PKD1L3: variants seen among roughly 807,000 people sequenced by gnomAD.
The protein encoded by PKD1L3 is polycystin-1-like protein 3.
PKD1L3 carries 239 observed loss-of-function variants against 184.1 expected under a neutral mutation model. The ratio of observed to expected loss-of-function variants is 1.30; its 90% CI spans 1.17 to 1.45. The LOEUF is 1.45. Among genes scored for constraint, PKD1L3 ranks in the 40% most tolerant of loss-of-function variants. The pLI, the probability that PKD1L3 is intolerant of heterozygous loss-of-function variation, is 0.00. For synonymous variants in PKD1L3, 996 were observed against 778.8 expected (o/e 1.28, Z -4.64); for missense variants, 2,660 against 2,067.2 (o/e 1.29, Z -5.56).
Position 71,965,512 on chromosome 16 carries a change from T to G in PKD1L3, c.2465+1625A>C, listed in dbSNP as rs186304562. On this transcript the variant is annotated intron_variant, in intron 15 of 29. Transcript: ENST00000620267. Reference sequence around the variant, plus strand: ...CACTCTCACTAGGGGCGTGTGAGTGTTTCAGTTGCTCCCCATCCTCCCCTA... The same window carrying G: ...CACTCTCACTAGGGGCGTGTGAGTGGTTCAGTTGCTCCCCATCCTCCCCTA... 3.3e-3 allele frequency among the ~76,000 whole-genome samples: 483 copies of G among 144,372 alleles called. 3 individuals carry two copies. The highest frequency in any genetic ancestry group is 5.7e-3 in the Non-Finnish European group (363 of 64,054). 94.7% of individuals were successfully genotyped at this position (144,372 alleles called of 152,430 possible).
Position 71,930,130 on chromosome 16 carries a change from G to A in PKD1L3, c.4980C>T (p.Ile1660=). 6.4e-7 allele frequency: 1 copy of A among 1,551,682 alleles called. No homozygotes were observed. The highest frequency in any genetic ancestry group is 1.2e-5 in the South Asian group (1 of 84,060). Residue 1660 remains isoleucine, a synonymous_variant, in exon 29 of 30, where the codon ATC becomes ATT. Transcript: ENST00000620267. ...LGTFLILTSV[I]LMVLVVINLF... ...GATTAATTACCACAAGTACCATCAA[G>A]ATGACACTGGTGAGGATCAGAAAGG...
At chr16:71,990,195 T>C (rs927857348) in intron 4 of PKD1L3, 85 bp downstream of exon 4, 33 of 1,228,542 alleles carry the variant, frequency 2.7e-5, no homozygotes, top group Admixed American at 9.8e-5. Flanking sequence ...CAGAACACTC[T>C]ACAAGATAGA....
intron 16 of PKD1L3, among the ~76,000 whole-genome samples, chr16:71,958,889 C>A (rs1167033145): frequency 6.7e-6 from 1 of 150,020 alleles, no homozygotes; most frequent in African/African-American, 2.5e-5. Context: ...GAGTTTGAGA[C>A]CAGCCTGGGC....
chr16:71,958,247 C>T (rs1392568732), intron 16 of PKD1L3, among the ~76,000 whole-genome samples: 1 of 151,158 alleles, frequency 6.6e-6, no homozygotes, highest in Non-Finnish European at 1.5e-5. Flanking sequence ...ATTAGCTGGG[C>T]GTAGTGGCGG....
intron 11 of PKD1L3, among the ~76,000 whole-genome samples, chr16:71,975,506 T>C (rs1460853977): frequency 6.6e-6 from 1 of 152,184 alleles, no homozygotes; most frequent in Non-Finnish European, 1.5e-5. Flanking sequence ...TTGAAATACA[T>C]AGGACATATT....
Position 71,982,132 on chromosome 16 carries a change from G to A in PKD1L3, c.1070C>T (p.Pro357Leu), listed in dbSNP as rs770278231. 1.2e-5 allele frequency: 18 copies of A among 1,551,852 alleles called. No homozygotes were observed. The South Asian group carries it at 1.2e-4, about 10-fold the overall frequency. The change falls in exon 7 of 30, where the codon CCC becomes CTC. Residue 357 changes from proline (P) to leucine (L), a missense_variant. Pro to Leu is a moderately conservative substitution (Grantham distance 98, BLOSUM62 -3). Coordinates refer to ENST00000620267, the MANE Select transcript of PKD1L3 (RefSeq NM_181536.2). Reference protein sequence around the residue: ...LGFKVPPTVCPFHSLNNVTKA... With the variant: ...LGFKVPPTVCLFHSLNNVTKA... Reference sequence around the variant, plus strand: ...GGTGACATTGTTGAGGGAATGAAAGGGGCAGACAGTTGGAGGAACTTTGAA... The same window carrying A: ...GGTGACATTGTTGAGGGAATGAAAGAGGCAGACAGTTGGAGGAACTTTGAA...
chr16:71,935,231 G>T, intron 26 of PKD1L3, 127 bp downstream of exon 26: 1 of 1,053,426 alleles, frequency 9.5e-7, no homozygotes, highest in Non-Finnish European at 1.3e-6. Flanking sequence ...ATGAGTCCAA[G>T]TTCTCTTTTA....
chr16:71,943,057 G>C, intron 23 of PKD1L3, 33 bp from the exon 24 acceptor site: 7 of 1,467,962 alleles, frequency 4.8e-6, no homozygotes, highest in Non-Finnish European at 6.5e-6. Context: ...TGTCATAGTT[G>C]AGTGGTTAAC....
At chr16:71,954,079 C>A in intron 17 of PKD1L3, 26 bp downstream of exon 17, 2 of 1,455,554 alleles carry the variant, frequency 1.4e-6, no homozygotes, top group Non-Finnish European at 9.1e-7. Context: ...TTACTACAAA[C>A]AACACACATC....
intron 15 of PKD1L3, among the ~76,000 whole-genome samples, chr16:71,964,616 G>A (rs189216144): frequency 9.0e-4 from 137 of 151,904 alleles, no homozygotes; most frequent in African/African-American, 3.1e-3. Flanking sequence ...TGGGATCACA[G>A]GCATGAGACA....
At chr16:71,952,467 C>T (rs1262596272) in intron 18 of PKD1L3, among the ~76,000 whole-genome samples, 1 of 150,766 alleles carries the variant, frequency 6.6e-6, no homozygotes, top group Non-Finnish European at 1.5e-5. Flanking sequence ...GATCCGCCTG[C>T]CTCGGCCTCC....
chr16:71,983,542 T>C (rs1355384279), intron 6 of PKD1L3, among the ~76,000 whole-genome samples: 1 of 151,990 alleles, frequency 6.6e-6, no homozygotes, highest in Non-Finnish European at 1.5e-5. Flanking sequence ...ACAATGTCAC[T>C]ACTGATCAAT....
In PKD1L3 at chr16:71,968,145, G is replaced by T. The variant is rs942635963; in HGVS notation, c.2185-138C>A. 1.1e-5 allele frequency: 7 copies of T among 652,472 alleles called. No homozygotes were observed. The Admixed American group carries it at 1.2e-4, about 11-fold the overall frequency. 40.4% of individuals were successfully genotyped at this position (652,472 alleles called of 1,614,324 possible). A position where few individuals can be genotyped will look rare whatever the true frequency, so the allele number is the denominator to read the frequency against. ...AGAAAGCAGGGCTGAGGTGTGGGCA[G>T]CAGACAGACACATGAGCAGACCTAA... On this transcript the variant is annotated intron_variant, in intron 13 of 29. Transcript: ENST00000620267.
chr16:71,984,601 T>C (rs538858984), intron 5 of PKD1L3, among the ~76,000 whole-genome samples: 1 of 152,202 alleles, frequency 6.6e-6, no homozygotes, highest in Admixed American at 6.5e-5. Flanking sequence ...GGCTCACGCC[T>C]GTCATCCCAG....
In PKD1L3 at chr16:71,983,662, TC is replaced by T. The variant is rs71153693; in HGVS notation, c.966+373del. On this transcript the variant is annotated intron_variant, in intron 6 of 29. Coordinates refer to ENST00000620267, the MANE Select transcript of PKD1L3 (RefSeq NM_181536.2). ...TAAGGCACAATCTCCAGATTCTCTTTCTTTTTTTTTTTTTTTTTTTTTTGGA... is the reference window on the plus strand; with the variant it reads ...TAAGGCACAATCTCCAGATTCTCTTTTTTTTTTTTTTTTTTTTTTTTTGGA... 4.5e-3 allele frequency among the ~76,000 whole-genome samples: 420 copies of T among 92,486 alleles called. 58 individuals are homozygous for T. Among genetic ancestry groups the T allele is most frequent in the Non-Finnish European group, 5.3e-3 (231 of 43,892 alleles). The allele number at this position is 92,486 out of a possible 152,430, so 60.7% of individuals were successfully genotyped here.
intron 2 of PKD1L3, among the ~76,000 whole-genome samples, chr16:71,997,815 T>C (rs977908812): frequency 6.6e-6 from 1 of 151,980 alleles, no homozygotes; most frequent in Non-Finnish European, 1.5e-5. Context: ...CACAAATGCA[T>C]ACGTACATAC....
intron 26 of PKD1L3, among the ~76,000 whole-genome samples, chr16:71,934,780 A>G (rs776630801): frequency 2.6e-5 from 4 of 152,210 alleles, no homozygotes; most frequent in African/African-American, 9.7e-5. Flanking sequence ...ACTTGAAACA[A>G]TGCCTCAGGA....
At chr16:71,983,926 G>A (rs574907249) in intron 6 of PKD1L3, 110 bp downstream of exon 6, 5 of 1,400,736 alleles carry the variant, frequency 3.6e-6, no homozygotes, top group East Asian at 2.6e-5. Flanking sequence ...GCCTTCTAAA[G>A]TGCTGGGATT....
intron 16 of PKD1L3, 29 bp from the exon 17 acceptor site, chr16:71,954,330 C>A (rs2038966588): frequency 2.0e-6 from 3 of 1,463,558 alleles, no homozygotes; most frequent in South Asian, 2.7e-5. Flanking sequence ...AGAGGAAATA[C>A]ATGAGATTTT....
Sources: allele counts gnomAD v4.1 joint callset (sites outside exome capture counted in the v4.1 genomes callset), GRCh38; gene constraint gnomAD v4.1.1; transcripts MANE v1.5; gene names NCBI Gene and HGNC (gene_info 2026-07-23, HGNC 2026-07-21).